The following LIMCH1 variants were observed in gnomAD, a reference collection of about 807,000 sequenced individuals.
LIMCH1 encodes the protein LIM and calponin homology domains-containing protein 1.
A neutral mutation model predicts 176.5 loss-of-function variants in LIMCH1; 113 were observed. The ratio of observed to expected loss-of-function variants is 0.64; its 90% CI spans 0.55 to 0.75. The LOEUF (loss-of-function observed/expected upper bound fraction) is 0.75, where lower values mean the gene tolerates loss of function less well. Ranked by LOEUF, LIMCH1 falls within the 30% of genes least tolerant of loss-of-function variation. The probability of loss-of-function intolerance (pLI) is 0.00; values close to 1 mark genes in which losing one functional copy is unlikely to be tolerated. For synonymous variants in LIMCH1, 619 were observed against 645.9 expected, an observed-to-expected ratio of 0.96 and a Z score of 0.63; for missense variants, 1,674 against 1,814.9, an observed-to-expected ratio of 0.92 and a Z score of 1.41.
intron 1 of LIMCH1, among the ~76,000 whole-genome samples, chr4:41,594,336 A>G (rs1270040113): frequency 6.6e-6 from 1 of 152,214 alleles, no homozygotes; most frequent in East Asian, 1.9e-4. Context: ...TAGCTCCACG[A>G]TAGTAAGAGC....
chr4:41,464,791 G>A (rs1295575086), intron 1 of LIMCH1, among the ~76,000 whole-genome samples: 1 of 152,130 alleles, frequency 6.6e-6, no homozygotes, highest in African/African-American at 2.4e-5. Flanking sequence ...ATTATTTAAC[G>A]ACTGTCTTCT....
chr4:41,586,054 TCCCTC>T (rs2086399146), intron 1 of LIMCH1, among the ~76,000 whole-genome samples: 1 of 141,038 alleles, frequency 7.1e-6, no homozygotes, highest in South Asian at 2.4e-4. Context: ...TCCCTTCCTT[TCCCTC>T]CCCTCCCCTC....
At chr4:41,461,941 T>A (rs1307693678) in intron 1 of LIMCH1, among the ~76,000 whole-genome samples, 1 of 152,242 alleles carries the variant, frequency 6.6e-6, no homozygotes, top group African/African-American at 2.4e-5. Flanking sequence ...TTGATTGTTC[T>A]GCAGGACTAT....
chr4:41,402,720 G>T (rs1362070969), intron 1 of LIMCH1, among the ~76,000 whole-genome samples: 1 of 145,846 alleles, frequency 6.9e-6, no homozygotes, highest in Non-Finnish European at 1.5e-5. Context: ...GTAAACTATC[G>T]CAAGGACAAA....
intron 8 of LIMCH1, among the ~76,000 whole-genome samples, chr4:41,628,047 G>A (rs1233128626): frequency 6.6e-6 from 1 of 152,154 alleles, no homozygotes; most frequent in Non-Finnish European, 1.5e-5. Context: ...GATTCGATAA[G>A]AGAAAATCTG....
At chr4:41,674,319 G>GT (rs1359633261) in intron 22 of LIMCH1, among the ~76,000 whole-genome samples, 1 of 152,160 alleles carries the variant, frequency 6.6e-6, no homozygotes, top group Non-Finnish European at 1.5e-5. Context: ...TTTCCTCAGT[G>GT]TTTTTTGTAT....
At chr4:41,602,805 TCAAAA>T (rs1402660642) in intron 2 of LIMCH1, among the ~76,000 whole-genome samples, 1 of 151,934 alleles carries the variant, frequency 6.6e-6, no homozygotes, top group Non-Finnish European at 1.5e-5. Context: ...AGGCTCAGTC[TCAAAA>T]CAACAACAAC....
At chr4:41,643,193 C>G (rs1164495158) in intron 14 of LIMCH1, among the ~76,000 whole-genome samples, 1 of 152,192 alleles carries the variant, frequency 6.6e-6, no homozygotes, top group African/African-American at 2.4e-5. Flanking sequence ...ATCTTCCAGA[C>G]AGCTGCCTGC....
chr4:41,469,483 G>T (rs992510382), intron 1 of LIMCH1, among the ~76,000 whole-genome samples: 3 of 152,102 alleles, frequency 2.0e-5, no homozygotes, highest in Non-Finnish European at 4.4e-5. Flanking sequence ...TCTCAGTGCG[G>T]GCCATGCTTG....
Position 41,690,150 on chromosome 4 carries a change from G to C in LIMCH1, c.4275+515G>C, listed in dbSNP as rs150215421. ...TCAAAAAAGCTGCCCTGCCCACCCA[G>C]ACTAAGTTATCTTTGTTATAGGTCC... On this transcript the variant is annotated intron_variant, in intron 30 of 31. Coordinates refer to ENST00000503057, the MANE Select transcript of LIMCH1 (RefSeq NM_001330672.2). Among the ~76,000 whole-genome samples, 4 of 152,262 alleles carry C rather than the reference G, an allele frequency of 2.6e-5. No homozygotes were observed. In the East Asian group the frequency reaches 7.7e-4, roughly 29 times the overall value.
chr4:41,424,670 G>C (rs959747828), intron 1 of LIMCH1, among the ~76,000 whole-genome samples: 4 of 152,140 alleles, frequency 2.6e-5, no homozygotes, highest in African/African-American at 9.7e-5. Flanking sequence ...GTCAGGTTTT[G>C]TCACTAATTG....
chr4:41,468,349 CCT>C (rs2066454452), intron 1 of LIMCH1, among the ~76,000 whole-genome samples: 3 of 30,592 alleles, frequency 9.8e-5, no homozygotes, highest in Non-Finnish European at 2.8e-4. Context: ...CTCCCCTCCT[CCT>C]CCTCCCTCCC....
chr4:41,646,391 G>C, intron 16 of LIMCH1, 94 bp from the exon 17 acceptor site: 1 of 1,510,970 alleles, frequency 6.6e-7, no homozygotes, highest in South Asian at 1.3e-5. Context: ...TATATTCCCT[G>C]TACTATCTCT....
intron 3 of LIMCH1, among the ~76,000 whole-genome samples, chr4:41,526,315 C>G (rs946863757): frequency 4.0e-5 from 6 of 151,174 alleles, no homozygotes; most frequent in African/African-American, 1.5e-4. Context: ...TACCGTCACC[C>G]TGTATCATTT....
intron 26 of LIMCH1, among the ~76,000 whole-genome samples, chr4:41,684,046 A>G (rs1718532843): frequency 1.3e-5 from 2 of 152,184 alleles, no homozygotes; most frequent in Admixed American, 6.5e-5. Flanking sequence ...CTGAAAGGCC[A>G]GTGAGTTACC....
intron 1 of LIMCH1, among the ~76,000 whole-genome samples, chr4:41,445,664 C>T (rs1443226202): frequency 6.6e-6 from 1 of 152,224 alleles, no homozygotes; most frequent in Non-Finnish European, 1.5e-5. Context: ...ATCCAGTGAC[C>T]TGTATCTTTC....
chr4:41,474,875 C>T lies in LIMCH1; in HGVS notation c.97-19661C>T, dbSNP rs557194693. On this transcript the variant is annotated intron_variant, in intron 1 of 26. Transcript: ENST00000313860. ...TGTGTCGAAGAGATGTCTGTGTTCC[C>T]GTGTTGACTGCAGCACTATTCACCA... Among the ~76,000 whole-genome samples, 22 of 152,232 alleles carry T rather than the reference C, an allele frequency of 1.4e-4. No individual in the cohort carries two copies. The South Asian group carries it at 2.7e-3, about 19-fold the overall frequency.
rs141768126 is a variant in LIMCH1 at position 41,438,432 on chromosome 4, G to A, written c.97-56104G>A. 1.4e-3 allele frequency among the ~76,000 whole-genome samples: 216 copies of A among 149,998 alleles called. 1 individual carries two copies. The highest frequency in any genetic ancestry group is 4.9e-3 in the African/African-American group (200 of 40,840). ...TGTTGCCCAGGCTGGACATAATCTCGGCTCACTGCAGCCTCCATTTCCCAG... is the reference window on the plus strand; with the variant it reads ...TGTTGCCCAGGCTGGACATAATCTCAGCTCACTGCAGCCTCCATTTCCCAG... On this transcript the variant is annotated intron_variant, in intron 1 of 26. Coordinates refer to the LIMCH1 transcript ENST00000313860.
chr4:41,608,840 G>C (rs2091063509), intron 4 of LIMCH1, among the ~76,000 whole-genome samples: 1 of 152,090 alleles, frequency 6.6e-6, no homozygotes, highest in South Asian at 2.1e-4. Context: ...GGTGGCCCTG[G>C]AGATTTCAGG....
Sources: allele counts gnomAD v4.1 joint callset (sites outside exome capture counted in the v4.1 genomes callset), GRCh38; gene constraint gnomAD v4.1.1; transcripts MANE v1.5; gene names NCBI Gene and HGNC (gene_info 2026-07-23, HGNC 2026-07-21).